Variants in XRCC4 observed in about 807,000 individuals in gnomAD.
The protein encoded by XRCC4 is X-ray repair cross complementing 4.
A neutral mutation model predicts 39.1 loss-of-function variants in XRCC4; 28 were observed. That is an observed-to-expected ratio of 0.72 (90% CI 0.53 to 0.98). The LOEUF is 0.98. Among genes scored for constraint, XRCC4 ranks in the 50% least tolerant of loss-of-function variants. The probability of loss-of-function intolerance (pLI) is 0.00; values close to 1 mark genes in which losing one functional copy is unlikely to be tolerated. For synonymous variants in XRCC4, 123 were observed against 126.4 expected (o/e 0.97, Z 0.18); for missense variants, 350 against 376.4 (o/e 0.93, Z 0.58).
At chr5:83,283,325 A>G (rs1754614662) in intron 7 of XRCC4, among the ~76,000 whole-genome samples, 2 of 152,156 alleles carry the variant, frequency 1.3e-5, no homozygotes, top group Non-Finnish European at 1.5e-5. Flanking sequence ...TTCTGATTCC[A>G]TTGCCTTTTC....
intron 3 of XRCC4, among the ~76,000 whole-genome samples, chr5:83,144,101 A>G (rs10037872): frequency 0.48 from 73,516 of 151,676 alleles, 18,758 homozygotes; most frequent in African/African-American, 0.63. Flanking sequence ...ATATCACTCT[A>G]TATGTCTTTG....
At chr5:83,242,777 A>G (rs1752962276) in intron 6 of XRCC4, among the ~76,000 whole-genome samples, 1 of 152,184 alleles carries the variant, frequency 6.6e-6, no homozygotes, top group Non-Finnish European at 1.5e-5. Context: ...CCTTTGTAAT[A>G]GCTAGCACTT....
chr5:83,264,298 A>G (rs1226510559), intron 7 of XRCC4, among the ~76,000 whole-genome samples: 1 of 152,110 alleles, frequency 6.6e-6, no homozygotes, highest in African/African-American at 2.4e-5. Context: ...TCATTTCCCC[A>G]CAGTAACCCA....
intron 7 of XRCC4, among the ~76,000 whole-genome samples, chr5:83,302,147 C>T (rs956645347): frequency 6.6e-6 from 1 of 151,970 alleles, no homozygotes; most frequent in South Asian, 2.1e-4. Flanking sequence ...TGCTGGGTTC[C>T]GTGCGGGTGG....
intron 3 of XRCC4, among the ~76,000 whole-genome samples, chr5:83,148,230 C>T (rs1198750077): frequency 2.0e-5 from 3 of 152,126 alleles, no homozygotes; most frequent in Non-Finnish European, 2.9e-5. Context: ...AATTGTTTTG[C>T]ATTGTATCTG....
downstream of XRCC4, among the ~76,000 whole-genome samples, chr5:83,354,436 G>T (rs191844111): frequency 2.0e-5 from 3 of 152,074 alleles, no homozygotes; most frequent in East Asian, 5.8e-4. Context: ...CCAAAATTAC[G>T]TAGTTTTCTT....
At chr5:83,202,182 A>G (rs541674768) in intron 4 of XRCC4, 1 of 152,380 alleles carries the variant, frequency 6.6e-6, no homozygotes, top group South Asian at 2.1e-4. Context: ...AACTCTGCAG[A>G]AAAGCTGGGA....
At chr5:83,244,225 GT>G (rs778483623) in intron 6 of XRCC4, among the ~76,000 whole-genome samples, 5 of 107,506 alleles carry the variant, frequency 4.7e-5, no homozygotes, top group Non-Finnish European at 8.0e-5. Flanking sequence ...GTTCTTTCAC[GT>G]CAGTAATTTT....
intron 7 of XRCC4, among the ~76,000 whole-genome samples, chr5:83,292,283 T>C (rs1241215896): frequency 6.6e-6 from 1 of 151,874 alleles, no homozygotes; most frequent in Non-Finnish European, 1.5e-5. Flanking sequence ...TGTGTTTGAA[T>C]TGAGAACCCC....
intron 7 of XRCC4, among the ~76,000 whole-genome samples, chr5:83,278,374 CTCTG>C (rs1448276056): frequency 6.6e-5 from 10 of 152,096 alleles, no homozygotes; most frequent in African/African-American, 2.4e-4. Context: ...ATTTAGTGGT[CTCTG>C]TCTTAGTCCA....
At chr5:83,222,015 A>T (rs1285711693) in intron 6 of XRCC4, among the ~76,000 whole-genome samples, 2 of 151,790 alleles carry the variant, frequency 1.3e-5, no homozygotes, top group Non-Finnish European at 2.9e-5. Context: ...TTTGGTGTTT[A>T]CATGGTTTAT....
chr5:83,338,379 T>C (rs947375620), intron 7 of XRCC4, among the ~76,000 whole-genome samples: 3 of 152,216 alleles, frequency 2.0e-5, no homozygotes, highest in Non-Finnish European at 4.4e-5. Context: ...ATCAGTTAGA[T>C]AACAATGGTT....
At chr5:83,342,872 A>G (rs1561484228) in intron 7 of XRCC4, among the ~76,000 whole-genome samples, 1 of 152,144 alleles carries the variant, frequency 6.6e-6, no homozygotes, top group Non-Finnish European at 1.5e-5. Context: ...TAAGCACATT[A>G]TTTAAAACTT....
At chr5:83,242,072 G>A (rs1189735637) in intron 6 of XRCC4, among the ~76,000 whole-genome samples, 2 of 76,812 alleles carry the variant, frequency 2.6e-5, no homozygotes, top group Non-Finnish European at 5.4e-5. Flanking sequence ...GGCAAATTCA[G>A]TGTAACTTTT....
intron 7 of XRCC4, among the ~76,000 whole-genome samples, chr5:83,345,441 T>C (rs1024525761): frequency 6.6e-6 from 1 of 152,162 alleles, no homozygotes. Flanking sequence ...GGTAGAAATA[T>C]AGTTAGGCCT....
At chr5:83,284,487 T>A (rs902201234) in intron 7 of XRCC4, among the ~76,000 whole-genome samples, 1 of 152,140 alleles carries the variant, frequency 6.6e-6, no homozygotes, top group Non-Finnish European at 1.5e-5. Flanking sequence ...GAACATCACA[T>A]GTAGGAAATT....
At chr5:83,354,966 AAAACCTACC>A (rs1419670240), downstream of XRCC4, among the ~76,000 whole-genome samples, 5 of 152,174 alleles carry the variant, frequency 3.3e-5, no homozygotes, top group African/African-American at 4.8e-5. Flanking sequence ...TACCTGGATT[AAAACCTACC>A]AATAATGAAC....
intron 7 of XRCC4, among the ~76,000 whole-genome samples, chr5:83,316,627 G>T (rs1301179548): frequency 2.1e-5 from 3 of 142,378 alleles, no homozygotes; most frequent in Admixed American, 1.4e-4. Context: ...TAATGGTAAA[G>T]GGATCAATTC....
At chr5:83,342,350 A>G (rs1314931631) in intron 7 of XRCC4, among the ~76,000 whole-genome samples, 1 of 152,150 alleles carries the variant, frequency 6.6e-6, no homozygotes, top group Non-Finnish European at 1.5e-5. Context: ...TTATTTTTAA[A>G]TCTGTAATAT....
Sources: gnomAD v4.1 joint callset for allele counts (sites outside exome capture counted in the v4.1 genomes callset) on GRCh38, gnomAD v4.1.1 for gene constraint, MANE v1.5 for transcripts, NCBI Gene and HGNC (gene_info 2026-07-23, HGNC 2026-07-21) for gene names.